The following MARCHF6 variants were observed in gnomAD, a reference collection of about 807,000 sequenced individuals.
MARCHF6 encodes the protein membrane associated ring-CH-type finger 6.
A neutral mutation model predicts 133.7 loss-of-function variants in MARCHF6; 31 were observed. The ratio of observed to expected loss-of-function variants is 0.23; its 90% CI spans 0.17 to 0.31. MARCHF6 has a LOEUF of 0.31. Ranked by LOEUF, MARCHF6 falls within the 10% of genes least tolerant of loss-of-function variation. MARCHF6 has a pLI of 1.00. For synonymous variants in MARCHF6, 395 were observed against 402.5 expected (o/e 0.98, Z 0.22); for missense variants, 723 against 1,121.6 (o/e 0.64, Z 5.08).
At chr5:10,390,939 C>T (rs1002133293) in intron 6 of MARCHF6, among the ~76,000 whole-genome samples, 17 of 152,068 alleles carry the variant, frequency 1.1e-4, no homozygotes, top group African/African-American at 3.6e-4. Flanking sequence ...ATTTGTTAAC[C>T]ATTTTCTATA....
chr5:10,420,715 T>C (rs1488693170), intron 22 of MARCHF6, among the ~76,000 whole-genome samples: 1 of 152,234 alleles, frequency 6.6e-6, no homozygotes, highest in Non-Finnish European at 1.5e-5. Context: ...TCTGCAATCA[T>C]GTCTGAACAC....
intron 24 of MARCHF6, among the ~76,000 whole-genome samples, chr5:10,428,887 G>A (rs913001746): frequency 6.6e-6 from 1 of 152,150 alleles, no homozygotes; most frequent in South Asian, 2.1e-4. Context: ...AAGGGAAAAA[G>A]AGTGGCAAAT....
chr5:10,428,731 G>A (rs1160528900), intron 24 of MARCHF6, among the ~76,000 whole-genome samples: 1 of 152,130 alleles, frequency 6.6e-6, no homozygotes, highest in Non-Finnish European at 1.5e-5. Context: ...GAGTAGGAAT[G>A]CCCTATTTTC....
At chr5:10,391,463 TTAGCAGGAATAATGTGA>T in intron 6 of MARCHF6, 62 bp from the exon 7 acceptor site, 6 of 555,104 alleles carry the variant, frequency 1.1e-5, no homozygotes, top group Non-Finnish European at 1.5e-5. Flanking sequence ...TTTTTTTTTT[TTAGCAGGAATAATGTGA>T]TTTGGAAACA....
Position 10,423,832 on chromosome 5 carries a change from A to C in MARCHF6, c.2373+8A>C, listed in dbSNP as rs1292845712. On this transcript the variant is annotated splice_region_variant and intron_variant, in intron 23 of 25. Coordinates refer to ENST00000274140, the MANE Select transcript of MARCHF6 (RefSeq NM_005885.4). ...AAAACTGTAATTGAACAGGTAAGCAAAATCAGTTTTCAGAGAAAGACATTC... is the reference window on the plus strand; with the variant it reads ...AAAACTGTAATTGAACAGGTAAGCACAATCAGTTTTCAGAGAAAGACATTC... 3 of 1,599,312 alleles carry C rather than the reference A, an allele frequency of 1.9e-6. No individual in the cohort carries two copies. The highest frequency in any genetic ancestry group is 1.7e-6 in the Non-Finnish European group (2 of 1,168,436).
At chr5:10,411,874 C>T (rs1035981824) in intron 19 of MARCHF6, among the ~76,000 whole-genome samples, 24 of 152,156 alleles carry the variant, frequency 1.6e-4, no homozygotes, top group African/African-American at 5.6e-4. Context: ...TCAAATACTG[C>T]AAAGTGTAGG....
chr5:10,368,053 C>T (rs1182853031), intron 1 of MARCHF6, among the ~76,000 whole-genome samples: 1 of 152,156 alleles, frequency 6.6e-6, no homozygotes, highest in Non-Finnish European at 1.5e-5. Flanking sequence ...TGCCACAGAA[C>T]CTACTTCGGT....
intron 10 of MARCHF6, among the ~76,000 whole-genome samples, chr5:10,398,037 A>G (rs1419046777): frequency 6.6e-6 from 1 of 152,186 alleles, no homozygotes; most frequent in Non-Finnish European, 1.5e-5. Flanking sequence ...TGTATCTCTT[A>G]GGGGTGAGGA....
intron 1 of MARCHF6, among the ~76,000 whole-genome samples, chr5:10,368,907 C>G (rs537923410): frequency 4.0e-5 from 6 of 151,878 alleles, no homozygotes; most frequent in African/African-American, 1.2e-4. Flanking sequence ...ATGGTTGTGC[C>G]ATTGCACTCC....
At chr5:10,362,797 T>G (rs1735908115) in intron 1 of MARCHF6, among the ~76,000 whole-genome samples, 1 of 152,168 alleles carries the variant, frequency 6.6e-6, no homozygotes, top group Admixed American at 6.6e-5. Flanking sequence ...TCTGAAAACA[T>G]GGCAGTCACC....
At position 10,437,402 on chromosome 5, in the gene MARCHF6, T is replaced by G; in HGVS notation, c.*3718T>G. ...TTCGCTGACTTCCTTGGTTAAGCTG[T>G]CTTGTATTTACTTAATTTGTCCCCT... is the stretch of plus-strand genomic sequence containing the variant. On this transcript the variant is annotated 3_prime_UTR_variant, in exon 26 of 26. Coordinates refer to ENST00000274140, the MANE Select transcript of MARCHF6 (RefSeq NM_005885.4). 1 of 152,228 alleles carries G rather than the reference T, an allele frequency of 6.6e-6. No individual in the cohort carries two copies. 9.4% of individuals were successfully genotyped at this position (152,228 alleles called of 1,614,324 possible).
chr5:10,387,573 G>GTT (rs1737562432), intron 5 of MARCHF6, among the ~76,000 whole-genome samples: 1 of 152,170 alleles, frequency 6.6e-6, no homozygotes, highest in Non-Finnish European at 1.5e-5. Flanking sequence ...AAAGTGCTGG[G>GTT]ATTACAGGCG....
Position 10,411,192 on chromosome 5 carries a change from A to C in MARCHF6, c.1692-141A>C. ...AAAGTGGGTACAAACATTTAGACCA[A>C]AATTAGGTAATAATGTGGTGCACAA... On this transcript the variant is annotated intron_variant, in intron 18 of 25. Coordinates refer to ENST00000274140, the MANE Select transcript of MARCHF6 (RefSeq NM_005885.4). 3 of 679,448 alleles carry C rather than the reference A, an allele frequency of 4.4e-6. No homozygotes were observed. In the South Asian group the frequency reaches 5.7e-5, roughly 13 times the overall value. The allele number at this position is 679,448 out of a possible 1,614,324, so 42.1% of individuals were successfully genotyped here. A position where few individuals can be genotyped will look rare whatever the true frequency, so the allele number is the denominator to read the frequency against.
At chr5:10,412,277 A>C (rs1423991267) in intron 19 of MARCHF6, among the ~76,000 whole-genome samples, 1 of 152,214 alleles carries the variant, frequency 6.6e-6, no homozygotes, top group African/African-American at 2.4e-5. Context: ...GGATATAGAG[A>C]GCATACGTGG....
At chr5:10,402,844 A>G (rs1213571159) in intron 14 of MARCHF6, among the ~76,000 whole-genome samples, 1 of 152,114 alleles carries the variant, frequency 6.6e-6, no homozygotes, top group Non-Finnish European at 1.5e-5. Context: ...ATAGTGGAGG[A>G]TTTTATTGCC....
At position 10,376,498 on chromosome 5, in the gene MARCHF6, C is replaced by T. The variant is rs367701610; in HGVS notation, c.20-1300C>T. Among the ~76,000 whole-genome samples the T allele has an allele frequency of 3.9e-5, 6 of 152,340 alleles. No homozygotes were observed. The East Asian group carries it at 1.2e-3, about 29-fold the overall frequency. On this transcript the variant is annotated intron_variant, in intron 1 of 25. Transcript: ENST00000274140. ...GGCTTCATTCTTGAAGTCAGTGAGA[C>T]CAAGAACCCACTAATTCCGGACACA... is the stretch of plus-strand genomic sequence containing the variant.
intron 20 of MARCHF6, among the ~76,000 whole-genome samples, chr5:10,415,082 A>G (rs1043897357): frequency 6.6e-6 from 1 of 152,220 alleles, no homozygotes; most frequent in African/African-American, 2.4e-5. Flanking sequence ...ATTATTTGTA[A>G]TGTTTCTACA....
chr5:10,380,444 A>G (rs1737065082), intron 3 of MARCHF6, among the ~76,000 whole-genome samples: 1 of 152,146 alleles, frequency 6.6e-6, no homozygotes, highest in South Asian at 2.1e-4. Flanking sequence ...TTGATAGGAA[A>G]TATGTGGGCT....
chr5:10,385,425 G>A (rs1219332982), intron 4 of MARCHF6, among the ~76,000 whole-genome samples: 1 of 149,366 alleles, frequency 6.7e-6, no homozygotes, highest in African/African-American at 2.5e-5. Flanking sequence ...ACAAAGGCAG[G>A]AAAGAAAGGA....
Sources: gnomAD v4.1 joint callset for allele counts (sites outside exome capture counted in the v4.1 genomes callset) on GRCh38, gnomAD v4.1.1 for gene constraint, MANE v1.5 for transcripts, NCBI Gene and HGNC (gene_info 2026-07-23, HGNC 2026-07-21) for gene names.